SEC23IP: variants seen among roughly 807,000 people sequenced by gnomAD.
SEC23IP encodes SEC23-interacting protein.
Under a neutral mutation model 113.4 loss-of-function variants are expected in SEC23IP, and 70 were observed. That is an observed-to-expected ratio of 0.62 (90% confidence interval 0.51 to 0.75). The LOEUF is 0.75. SEC23IP is among the 30% of genes least tolerant of loss of function. The probability of loss-of-function intolerance (pLI) is 0.00; values close to 1 mark genes in which losing one functional copy is unlikely to be tolerated. For missense variants in SEC23IP, 1,160 were observed against 1,204.9 expected, an observed-to-expected ratio of 0.96 and a Z score of 0.55; for synonymous variants, 398 against 421.0, an observed-to-expected ratio of 0.95 and a Z score of 0.67.
In SEC23IP at chr10:119,898,919, C is replaced by T. The variant is rs202126862; in HGVS notation, c.656C>T (p.Pro219Leu). 1.7e-4 allele frequency: 276 copies of T among 1,600,096 alleles called. No homozygotes were observed. The highest frequency in any genetic ancestry group is 2.3e-4 in the Non-Finnish European group (268 of 1,178,908). ...GCTCATCCTCCACCTTCTGGACCCC[C>T]TGTTCAGATGTACCAGATGCCTCCA... The part of the protein sequence containing the change: ...PPAHPPPSGP[P>L]VQMYQMPPGS... Residue 219 changes from proline (P) to leucine (L), a missense_variant, in exon 2 of 19, where the codon CCT becomes CTT. Transcript: ENST00000369075.
At chr10:119,896,391 TG>T (rs1309426981) in intron 1 of SEC23IP, among the ~76,000 whole-genome samples, 1 of 152,214 alleles carries the variant, frequency 6.6e-6, no homozygotes, top group Non-Finnish European at 1.5e-5. Context: ...GAATGAATGT[TG>T]GCAAACATCT....
At chr10:119,906,846 G>T (rs997146594) in intron 4 of SEC23IP, among the ~76,000 whole-genome samples, 2 of 152,096 alleles carry the variant, frequency 1.3e-5, no homozygotes, top group African/African-American at 4.8e-5. Flanking sequence ...AGAGTGCTAG[G>T]ATTACATGCG....
rs201464386 is a variant in SEC23IP at position 119,898,853 on chromosome 10, C to T, written c.590C>T (p.Ala197Val). The change falls in exon 2 of 19, where the codon GCA (alanine) becomes GTA (valine). Residue 197 changes from alanine to valine, a missense_variant. Transcript: ENST00000369075. ...AGCAGCAGGGCTAATCCTTACATTG[C>T]ACCACCCCAGCTGCAGCAGTGCCAA... ...PGSSRANPYIAPPQLQQCQTP... is the reference protein window; with the variant it reads ...PGSSRANPYIVPPQLQQCQTP... 1.7e-5 allele frequency: 27 copies of T among 1,612,222 alleles called. No individual in the cohort carries two copies. In the Middle Eastern group the frequency reaches 6.6e-4, roughly 39 times the overall value.
intron 1 of SEC23IP, among the ~76,000 whole-genome samples, chr10:119,895,122 G>A (rs989235674): frequency 1.3e-5 from 2 of 152,080 alleles, no homozygotes; most frequent in Admixed American, 6.5e-5. Context: ...AGTGGCTCAC[G>A]CCTGTAATCC....
chr10:119,919,534 G>C lies in SEC23IP; in HGVS notation c.1963G>C (p.Ala655Pro), dbSNP rs1263677333. The C allele has an allele frequency of 1.2e-6, 2 of 1,613,582 alleles. No homozygotes were observed. Among genetic ancestry groups the C allele is most frequent in the Non-Finnish European group, 1.7e-6 (2 of 1,179,782 alleles). Residue 655 changes from alanine (A) to proline (P), a missense_variant, in exon 11 of 19, where the codon GCA becomes CCA. Physicochemically the swap from Ala to Pro is conservative, Grantham distance 27 (BLOSUM62 -1). Coordinates refer to ENST00000369075, the MANE Select transcript of SEC23IP (RefSeq NM_007190.4). ...EVLTLQETLE[A>P]LSLSEYFSTF... is the part of the protein sequence containing the mutation. The stretch of plus-strand genomic sequence containing the variant: ...CCTAACTTTGCAAGAAACTCTGGAA[G>C]CACTTAGCCTCTCTGAATATTTTAG...
rs532417098 is a variant in SEC23IP, at chr10:119,898,680, G to A, written c.417G>A (p.Lys139=). The A allele has an allele frequency of 6.2e-7, 1 of 1,614,204 alleles. No individual in the cohort carries two copies. Among genetic ancestry groups the A allele is most frequent in the South Asian group, 1.1e-5 (1 of 91,086 alleles). Residue 139 remains lysine, a synonymous_variant, in exon 2 of 19, where the codon AAG becomes AAA. Coordinates refer to ENST00000369075, the MANE Select transcript of SEC23IP (RefSeq NM_007190.4). ...VSNAFSPSIS[K]AQPGAPPSSL... is the part of the protein sequence containing the mutation. ...ATGCATTTTCACCATCCATTTCGAA[G>A]GCTCAACCTGGTGCTCCACCTTCCT... is the stretch of plus-strand genomic sequence containing the variant.
Position 119,914,571 on chromosome 10 carries a change from C to T in SEC23IP, c.1313-159C>T, listed in dbSNP as rs186536933. ...TATATGCCAAGAGGGACAAATTGTT[C>T]CTCTAATTTGATAGGGGTAATGAGG... is the stretch of plus-strand genomic sequence containing the variant. On this transcript the variant is annotated intron_variant, in intron 6 of 18. Transcript: ENST00000369075. 8.4e-4 allele frequency: 512 copies of T among 611,262 alleles called. 1 individual carries two copies. The highest frequency in any genetic ancestry group is 8.0e-3 in the African/African-American group (429 of 53,948). The allele number at this position is 611,262 out of a possible 1,614,324, so 37.9% of individuals were successfully genotyped here.
intron 13 of SEC23IP, among the ~76,000 whole-genome samples, chr10:119,928,476 A>G (rs978992533): frequency 6.6e-6 from 1 of 152,216 alleles, no homozygotes; most frequent in Non-Finnish European, 1.5e-5. Flanking sequence ...AGTGTAGTAG[A>G]AAGAGAATTG....
intron 2 of SEC23IP, among the ~76,000 whole-genome samples, chr10:119,901,059 G>C (rs1854483522): frequency 7.9e-6 from 1 of 126,716 alleles, no homozygotes; most frequent in East Asian, 2.3e-4. Context: ...GGGGGGTCTT[G>C]CTCTGTCATC....
intron 12 of SEC23IP, among the ~76,000 whole-genome samples, chr10:119,923,540 A>G (rs1406754709): frequency 1.3e-5 from 2 of 150,832 alleles, no homozygotes; most frequent in Non-Finnish European, 3.0e-5. Context: ...TCAAGTATGT[A>G]TATGTTGGTT....
intron 6 of SEC23IP, among the ~76,000 whole-genome samples, 197 bp downstream of exon 6, chr10:119,912,361 G>A (rs1338323775): frequency 1.3e-5 from 2 of 152,118 alleles, no homozygotes; most frequent in Non-Finnish European, 2.9e-5. Context: ...TCGAACTCCT[G>A]AGCTCAAGCT....
Position 119,902,914 on chromosome 10 carries a change from C to G in SEC23IP, c.812C>G (p.Pro271Arg), listed in dbSNP as rs1362656676. Residue 271 changes from proline to arginine, a missense_variant, in exon 3 of 19, where the codon CCC (proline) becomes CGC (arginine). Transcript: ENST00000369075. ...LLQNQYEPVQPHWFYCKEVEY... is the reference protein window; with the variant it reads ...LLQNQYEPVQRHWFYCKEVEY... ...CAAAACCAATATGAGCCTGTTCAGCCCCACTGGTTTTACTGCAAGGAGGTA... is the reference window on the plus strand; with the variant it reads ...CAAAACCAATATGAGCCTGTTCAGCGCCACTGGTTTTACTGCAAGGAGGTA... The G allele has an allele frequency of 6.2e-7, 1 of 1,614,158 alleles. No individual in the cohort carries two copies.
Position 119,933,741 on chromosome 10 carries a change from AT to A in SEC23IP, c.2979del (p.Ser994ValfsTer51). On this transcript the variant is annotated frameshift_variant, in exon 18 of 19. Coordinates refer to ENST00000369075, the MANE Select transcript of SEC23IP (RefSeq NM_007190.4). LOFTEE classifies it high-confidence loss of function. Reference protein sequence around the residue: ...LLKEIYRTMNISPEQPQH With the variant: ...LLKEIYRTMNXSPEQPQH ...TAAAGAAATTTATCGAACAATGAAC[AT>A]TAGTCCAGAACAGCCCCAGCATTGA... 6.3e-7 allele frequency: 1 copy of A among 1,591,908 alleles called. No homozygotes were observed.
Position 119,929,588 on chromosome 10 carries a change from G to A in SEC23IP, c.2314-19G>A, listed in dbSNP as rs780825883. The A allele has an allele frequency of 6.3e-7, 1 of 1,597,302 alleles. No homozygotes were observed. The highest frequency in any genetic ancestry group is 8.6e-7 in the Non-Finnish European group (1 of 1,168,180). On this transcript the variant is annotated intron_variant, in intron 13 of 18. Transcript: ENST00000369075. ...GACATTGGAACAATCATCTTTCATT[G>A]TTATTTGATTCTTTCCAGGTTTCTG...
At position 119,941,607 on chromosome 10, in the gene SEC23IP, T is replaced by C. The variant is rs1855966187; in HGVS notation, c.*1042T>C. The stretch of plus-strand genomic sequence containing the variant: ...TCTTTTGTTACGTAGTGGAAACATT[T>C]TGCATTGTTTACATAGTTCTCATGG... On this transcript the variant is annotated 3_prime_UTR_variant, in exon 19 of 19. Transcript: ENST00000369075. 1 of 152,666 alleles carries C rather than the reference T, an allele frequency of 6.6e-6. No individual in the cohort carries two copies. Among genetic ancestry groups the C allele is most frequent in the Admixed American group, 6.5e-5 (1 of 15,284 alleles). The allele number at this position is 152,666 out of a possible 1,614,324, so 9.5% of individuals were successfully genotyped here.
intron 10 of SEC23IP, 48 bp from the exon 11 acceptor site, chr10:119,919,395 TG>T (rs773201805): frequency 2.0e-6 from 3 of 1,524,568 alleles, no homozygotes; most frequent in East Asian, 2.3e-5. Flanking sequence ...AGTCATTATA[TG>T]GGAGTTTTTC....
chr10:119,906,300 A>C (rs573213282), intron 4 of SEC23IP, among the ~76,000 whole-genome samples: 2 of 150,996 alleles, frequency 1.3e-5, no homozygotes, highest in South Asian at 4.2e-4. Context: ...AAAAAAAAAA[A>C]AGAAACGGAG....
intron 12 of SEC23IP, 48 bp downstream of exon 12, chr10:119,921,032 C>T (rs1855236170): frequency 7.4e-7 from 1 of 1,345,702 alleles, no homozygotes; most frequent in African/African-American, 1.4e-5. Flanking sequence ...ATGGTGTGAC[C>T]AGCTCGTTTA....
intron 2 of SEC23IP, among the ~76,000 whole-genome samples, chr10:119,901,185 T>C (rs1004814946): frequency 1.3e-5 from 2 of 152,038 alleles, no homozygotes; most frequent in Non-Finnish European, 2.9e-5. Flanking sequence ...TTTTTAGATT[T>C]TTTTGTAGAA....
Sources: gnomAD v4.1 joint callset for allele counts (sites outside exome capture counted in the v4.1 genomes callset) on GRCh38, gnomAD v4.1.1 for gene constraint, MANE v1.5 for transcripts, NCBI Gene and HGNC (gene_info 2026-07-23, HGNC 2026-07-21) for gene names.